RABGAP1: variants seen among roughly 807,000 people sequenced by gnomAD.
The protein encoded by RABGAP1 is RAB GTPase activating protein 1.
RABGAP1 carries 23 observed loss-of-function variants against 137.6 expected under a neutral mutation model. The ratio of observed to expected loss-of-function variants is 0.17; its 90% confidence interval spans 0.12 to 0.24. The LOEUF is 0.24. Ranked by LOEUF, RABGAP1 falls within the 10% of genes least tolerant of loss-of-function variation. The pLI is 1.00. For synonymous variants in RABGAP1, 451 were observed against 450.7 expected (o/e 1.00, Z -0.01); for missense variants, 906 against 1,275.8 (o/e 0.71, Z 4.42).
the RABGAP1 span, among the ~76,000 whole-genome samples, chr9:122,934,971 G>C: frequency 6.6e-6 from 1 of 152,216 alleles, no homozygotes; most frequent in Non-Finnish European, 1.5e-5. Flanking sequence ...AGATTGGAGA[G>C]TTTAAACCAT....
intron 19 of RABGAP1, among the ~76,000 whole-genome samples, chr9:123,083,564 A>G (rs1438600221): frequency 2.6e-5 from 4 of 152,222 alleles, no homozygotes; most frequent in African/African-American, 9.6e-5. Flanking sequence ...CATTTTAGAA[A>G]AACACTCTGG....
intron 10 of RABGAP1, among the ~76,000 whole-genome samples, chr9:123,010,139 G>C (rs1267845654): frequency 6.6e-6 from 1 of 152,000 alleles, no homozygotes; most frequent in Non-Finnish European, 1.5e-5. Flanking sequence ...ATTTTCCTAA[G>C]AATTTTAAGA....
intron 21 of RABGAP1, among the ~76,000 whole-genome samples, chr9:123,091,752 A>G (rs937877729): frequency 6.6e-6 from 1 of 152,080 alleles, no homozygotes; most frequent in African/African-American, 2.4e-5. Context: ...GAATGTTTCA[A>G]GGTCATTAGC....
chr9:122,965,310 G>A (rs1248927240), intron 2 of RABGAP1, among the ~76,000 whole-genome samples: 1 of 152,138 alleles, frequency 6.6e-6, no homozygotes, highest in Non-Finnish European at 1.5e-5. Context: ...GTTGCCTAGG[G>A]CTGGTTGGAG....
Position 123,020,050 on chromosome 9 carries a change from T to G in RABGAP1, c.1644-259T>G, listed in dbSNP as rs183705246. On this transcript the variant is annotated intron_variant, in intron 12 of 25. Transcript: ENST00000373647. ...ATTTCCAGTTTTGCTTTTTTTTTTT[T>G]TTTTTTTTAAAGTAGAGAAATAATT... Among the ~76,000 whole-genome samples the G allele has an allele frequency of 3.4e-3, 517 of 152,026 alleles. 3 individuals carry two copies. Among genetic ancestry groups the G allele is most frequent in the Admixed American group, 5.5e-3 (84 of 15,276 alleles).
chr9:123,017,497 CATT>C (rs2031319630), intron 12 of RABGAP1, among the ~76,000 whole-genome samples: 1 of 152,062 alleles, frequency 6.6e-6, no homozygotes, highest in South Asian at 2.1e-4. Flanking sequence ...TATTTTTTCT[CATT>C]ATTATTTGTG....
chr9:123,055,985 G>A (rs1588345562), intron 13 of RABGAP1, among the ~76,000 whole-genome samples: 1 of 152,172 alleles, frequency 6.6e-6, no homozygotes, highest in Non-Finnish European at 1.5e-5. Context: ...TTTCTTTGTG[G>A]TGTGGGTGAA....
chr9:123,015,650 GA>G lies in RABGAP1; in HGVS notation c.1643+16del. On this transcript the variant is annotated intron_variant, in intron 12 of 25. Transcript: ENST00000373647. The stretch of plus-strand genomic sequence containing the variant: ...GTTGTCAAAATGGTAAGTTATGATA[GA>G]ATAGTTTTTTTTATCTGCAATTTTC... 2.6e-6 allele frequency: 4 copies of G among 1,566,712 alleles called. No homozygotes were observed. Among genetic ancestry groups the G allele is most frequent in the Non-Finnish European group, 3.5e-6 (4 of 1,141,844 alleles).
At chr9:123,048,018 G>A (rs1477399245) in intron 13 of RABGAP1, among the ~76,000 whole-genome samples, 1 of 135,558 alleles carries the variant, frequency 7.4e-6, no homozygotes, top group South Asian at 2.5e-4. Flanking sequence ...GGCCCACTGC[G>A]AACCTCCGCC....
At chr9:123,100,171 A>G (rs943175079) in intron 24 of RABGAP1, among the ~76,000 whole-genome samples, 42 of 152,238 alleles carry the variant, frequency 2.8e-4, no homozygotes, top group African/African-American at 9.6e-4. Flanking sequence ...TTTTTATAAC[A>G]TGGTGCTTTC....
At chr9:123,039,724 A>G (rs1042928618) in intron 13 of RABGAP1, among the ~76,000 whole-genome samples, 8 of 152,188 alleles carry the variant, frequency 5.3e-5, no homozygotes, top group Non-Finnish European at 8.8e-5. Flanking sequence ...AGAATGGATT[A>G]GGAAATATGT....
At chr9:123,063,185 C>G (rs773709296) in intron 13 of RABGAP1, 1 of 152,468 alleles carries the variant, frequency 6.6e-6, no homozygotes. Flanking sequence ...ATATTTTGAA[C>G]GTTTCCATAT....
chr9:122,992,745 G>C (rs1211661580), intron 6 of RABGAP1, among the ~76,000 whole-genome samples: 3 of 147,636 alleles, frequency 2.0e-5, no homozygotes, highest in Non-Finnish European at 3.0e-5. Flanking sequence ...TTATGTAATA[G>C]TTATATACCT....
the RABGAP1 span, among the ~76,000 whole-genome samples, chr9:122,933,707 C>T: frequency 6.6e-6 from 1 of 152,068 alleles, no homozygotes; most frequent in African/African-American, 2.4e-5. Context: ...TCACTGCAAC[C>T]TCCACCTCCT....
chr9:123,053,181 T>G (rs988858021), intron 13 of RABGAP1, among the ~76,000 whole-genome samples: 4 of 152,238 alleles, frequency 2.6e-5, no homozygotes, highest in Non-Finnish European at 5.9e-5. Context: ...CTCTATCAAA[T>G]TAGAAGTGCT....
chr9:122,977,714 A>C (rs74438953), intron 2 of RABGAP1, among the ~76,000 whole-genome samples: 1 of 149,818 alleles, frequency 6.7e-6, no homozygotes, highest in Admixed American at 6.7e-5. Context: ...TCTCAAAAAG[A>C]AAAAAAAAAG....
At chr9:123,088,804 G>A (rs12005838) in intron 19 of RABGAP1, among the ~76,000 whole-genome samples, 2 of 152,194 alleles carry the variant, frequency 1.3e-5, no homozygotes, top group African/African-American at 4.8e-5. Flanking sequence ...TAGAAGGAAA[G>A]CCAAGAGAAT....
chr9:123,028,199 C>T (rs1300337438), intron 13 of RABGAP1, among the ~76,000 whole-genome samples: 1 of 152,178 alleles, frequency 6.6e-6, no homozygotes, highest in Non-Finnish European at 1.5e-5. Flanking sequence ...GATCTTTCAA[C>T]TTAGAAGCAG....
At chr9:123,016,165 TG>T (rs1327477031) in intron 12 of RABGAP1, among the ~76,000 whole-genome samples, 1 of 152,218 alleles carries the variant, frequency 6.6e-6, no homozygotes, top group East Asian at 1.9e-4. Context: ...AGAGATGGTT[TG>T]ACAGCAGTGT....
Sources: gnomAD v4.1 joint callset for allele counts (sites outside exome capture counted in the v4.1 genomes callset) on GRCh38, gnomAD v4.1.1 for gene constraint, MANE v1.5 for transcripts, NCBI Gene and HGNC (gene_info 2026-07-23, HGNC 2026-07-21) for gene names.